The following UBE4A variants were observed in gnomAD, a reference collection of about 807,000 sequenced individuals.
UBE4A encodes the protein ubiquitin conjugation factor E4 A.
In UBE4A, 48 loss-of-function variants were observed where a neutral mutation model predicts 117.9. The observed-to-expected ratio is 0.41, with a 90% CI of 0.32 to 0.52. The LOEUF (loss-of-function observed/expected upper bound fraction) is 0.52, where lower values mean the gene tolerates loss of function less well. UBE4A is among the 20% of genes least tolerant of loss of function. The pLI is 0.33. For synonymous variants in UBE4A, 407 were observed against 450.0 expected (o/e 0.90, Z 1.21); for missense variants, 1,067 against 1,296.3 (o/e 0.82, Z 2.72).
Position 118,368,540 on chromosome 11 carries a change from T to C in UBE4A, c.122-91T>C, listed in dbSNP as rs1189691575. On this transcript the variant is annotated intron_variant, in intron 2 of 19. Transcript: ENST00000252108. Reference sequence around the variant, plus strand: ...TTAGCTTGTTTTACATCTGAAATTATCATCTTCTTGGTTACATTTATTATT... The same window carrying C: ...TTAGCTTGTTTTACATCTGAAATTACCATCTTCTTGGTTACATTTATTATT... 4.3e-6 allele frequency: 6 copies of C among 1,380,340 alleles called. No homozygotes were observed. The East Asian group carries it at 1.4e-4, about 32-fold the overall frequency. The allele number at this position is 1,380,340 out of a possible 1,614,324, so 85.5% of individuals were successfully genotyped here.
intron 15 of UBE4A, 102 bp from the exon 16 acceptor site, chr11:118,386,336 T>TC: frequency 7.5e-7 from 1 of 1,339,388 alleles, no homozygotes; most frequent in East Asian, 2.7e-5. Flanking sequence ...GTCCCTCGTT[T>TC]TCCCAGCTTA....
chr11:118,371,177 AT>A, intron 4 of UBE4A, among the ~76,000 whole-genome samples: 1 of 152,248 alleles, frequency 6.6e-6, no homozygotes, highest in Non-Finnish European at 1.5e-5. Context: ...GTATCTTTAT[AT>A]AAGTCTGAAT....
At position 118,372,629 on chromosome 11, in the gene UBE4A, A is replaced by G. The variant is rs764254075; in HGVS notation, c.684A>G (p.Gln228=). 3 of 1,614,184 alleles carry G rather than the reference A, an allele frequency of 1.9e-6. No individual in the cohort carries two copies. Among genetic ancestry groups the G allele is most frequent in the Admixed American group, 1.7e-5 (1 of 60,020 alleles). Residue 228 remains glutamine, a synonymous_variant, in exon 6 of 20, where the codon CAA becomes CAG. Coordinates refer to ENST00000252108, the MANE Select transcript of UBE4A (RefSeq NM_001204077.2). ...ATGTTGACCAAAACATCCATGAGCA[A>G]CTGGTAGATTTGATGTTAGAAGCCA... ...EIYVDQNIHE[Q]LVDLMLEAIQ...
chr11:118,364,309 T>C (rs1428544745), intron 1 of UBE4A, among the ~76,000 whole-genome samples: 3 of 152,136 alleles, frequency 2.0e-5, no homozygotes, highest in Admixed American at 2.0e-4. Flanking sequence ...ACAGTAGACC[T>C]GACCGTTGGA....
chr11:118,377,371 C>G (rs1219347179), intron 10 of UBE4A, among the ~76,000 whole-genome samples: 1 of 151,904 alleles, frequency 6.6e-6, no homozygotes, highest in Non-Finnish European at 1.5e-5. Context: ...CCATGCCCAG[C>G]TGATTTTGTA....
At chr11:118,379,345 C>CTA in intron 10 of UBE4A, 101 bp from the exon 11 acceptor site, 1 of 1,333,186 alleles carries the variant, frequency 7.5e-7, no homozygotes, top group East Asian at 2.3e-5. Context: ...CTGCAACTCC[C>CTA]TACTATCCTT....
At chr11:118,370,253 C>A (rs1948598530) in intron 4 of UBE4A, among the ~76,000 whole-genome samples, 1 of 152,138 alleles carries the variant, frequency 6.6e-6, no homozygotes, top group Admixed American at 6.5e-5. Flanking sequence ...CCCTATTAGA[C>A]TTAAGTTCTT....
chr11:118,393,948 G>C (rs185172159), intron 19 of UBE4A, among the ~76,000 whole-genome samples: 1 of 152,020 alleles, frequency 6.6e-6, no homozygotes, highest in Non-Finnish European at 1.5e-5. Context: ...ATTAACTCAC[G>C]TTCTGTTGCT....
At position 118,381,373 on chromosome 11, in the gene UBE4A, G is replaced by A. The variant is rs782437795; in HGVS notation, c.1877-18G>A. On this transcript the variant is annotated intron_variant, in intron 11 of 19. Coordinates refer to ENST00000252108, the MANE Select transcript of UBE4A (RefSeq NM_001204077.2). ...ATACAGATGTTTGGCTAATTCCAGT[G>A]AATATTTTCTTTTTCAGAATTTTTT... 6.2e-7 allele frequency: 1 copy of A among 1,613,644 alleles called. No homozygotes were observed. The highest frequency in any genetic ancestry group is 8.5e-7 in the Non-Finnish European group (1 of 1,179,750).
In UBE4A at chr11:118,390,721, G is replaced by A. The variant is rs992550169; in HGVS notation, c.2833G>A (p.Ala945Thr). ...ACGTTCCTATTCCCCAACTCTCTTT[G>A]CACAGACAGTTCGAGTCTTGAAGAA... ...DGRSYSPTLF[A>T]QTVRVLKKIN... The change falls in exon 18 of 20, where the codon GCA (alanine) becomes ACA (threonine). Residue 945 changes from alanine to threonine, a missense_variant. By Grantham distance (58) the Ala-to-Thr change is moderately conservative. This residue lies in a region of UBE4A where 1,001 missense variants were observed against 1,184.0 expected (regional missense o/e 0.85). Transcript: ENST00000252108. 2.5e-6 allele frequency: 4 copies of A among 1,600,234 alleles called. No individual in the cohort carries two copies. The highest frequency in any genetic ancestry group is 2.2e-5 in the South Asian group (2 of 89,656).
intron 9 of UBE4A, 78 bp downstream of exon 9, chr11:118,375,307 T>G: frequency 1.5e-6 from 2 of 1,306,932 alleles, no homozygotes; most frequent in Non-Finnish European, 2.0e-6. Context: ...CTTATCCTTT[T>G]TCACAGAGTT....
intron 16 of UBE4A, among the ~76,000 whole-genome samples, chr11:118,389,007 C>G (rs529284712): frequency 9.9e-5 from 15 of 152,114 alleles, no homozygotes; most frequent in African/African-American, 3.4e-4. Flanking sequence ...TGATGTAAAA[C>G]AGCTGGGCAC....
At chr11:118,393,595 G>A (rs1403930776) in intron 19 of UBE4A, among the ~76,000 whole-genome samples, 1 of 150,796 alleles carries the variant, frequency 6.6e-6, no homozygotes, top group African/African-American at 2.4e-5. Context: ...CACTGTGCCT[G>A]GCCTGTTTTT....
intron 10 of UBE4A, among the ~76,000 whole-genome samples, chr11:118,379,106 A>G (rs1475958313): frequency 6.6e-6 from 1 of 152,198 alleles, no homozygotes; most frequent in Non-Finnish European, 1.5e-5. Context: ...ATGTAAAACT[A>G]TCCTGCTGGC....
In UBE4A at chr11:118,372,743, G is replaced by C; in HGVS notation, c.721+77G>C. The C allele has an allele frequency of 1.9e-6, 3 of 1,591,494 alleles. No individual in the cohort carries two copies. In the South Asian group the frequency reaches 3.4e-5, roughly 18 times the overall value. On this transcript the variant is annotated intron_variant, in intron 6 of 19. Transcript: ENST00000252108. ...AAAATTTCACTAATTGCATTAGAAA[G>C]TCTCAGAGCCATTATGGTTCTGGTA... is the stretch of plus-strand genomic sequence containing the variant.
chr11:118,396,281 A>G (rs200112340), intron 19 of UBE4A, 33 bp from the exon 20 acceptor site: 262 of 1,594,788 alleles, frequency 1.6e-4, no homozygotes, highest in Admixed American at 2.5e-4. Context: ...ACTTATGGAA[A>G]TAACCCTATT....
rs201069795 is a variant in UBE4A, at chr11:118,369,436, G to C, written c.309G>C (p.Leu103Phe). The change falls in exon 4 of 20, where the codon TTG becomes TTC. Residue 103 changes from leucine (L) to phenylalanine (F), a missense_variant. Transcript: ENST00000252108. ...ACCATTTCCCAGGTGATCCCAGCTT[G>C]AAAAGCGGGAATGGCATCCCTAGCC... ...LITLDNSDPS[L>F]KSGNGIPSRC... 3 of 1,613,958 alleles carry C rather than the reference G, an allele frequency of 1.9e-6. No individual in the cohort carries two copies. The Admixed American group carries it at 5.0e-5, about 27-fold the overall frequency.
chr11:118,367,041 T>C (rs1948569042), intron 2 of UBE4A, among the ~76,000 whole-genome samples: 1 of 152,068 alleles, frequency 6.6e-6, no homozygotes, highest in Non-Finnish European at 1.5e-5. Flanking sequence ...CCATCTCTAC[T>C]AAAAATACAA....
At position 118,384,716 on chromosome 11, in the gene UBE4A, C is replaced by T; in HGVS notation, c.2279C>T (p.Thr760Ile). 6.2e-7 allele frequency: 1 copy of T among 1,613,946 alleles called. No individual in the cohort carries two copies. The highest frequency in any genetic ancestry group is 8.5e-7 in the Non-Finnish European group (1 of 1,179,954). The change falls in exon 14 of 20, where the codon ACC (threonine) becomes ATC (isoleucine). Residue 760 changes from threonine (T) to isoleucine (I), a missense_variant. Thr to Ile is a moderately conservative substitution (Grantham distance 89, BLOSUM62 -1). Around this residue, in one of 3 missense-constraint regions of UBE4A, gnomAD observed 1,001 missense variants for 1,184.0 expected, o/e 0.85. Coordinates refer to ENST00000252108, the MANE Select transcript of UBE4A (RefSeq NM_001204077.2). ...PILRYMWGTDTYRESIKDLAD... is the reference protein window; with the variant it reads ...PILRYMWGTDIYRESIKDLAD... ...CTAAGATACATGTGGGGGACAGATACCTATCGGGAGAGCATTAAGGTGAGA... is the reference window on the plus strand; with the variant it reads ...CTAAGATACATGTGGGGGACAGATATCTATCGGGAGAGCATTAAGGTGAGA...
Sources: gnomAD v4.1 joint callset for allele counts (sites outside exome capture counted in the v4.1 genomes callset) on GRCh38, gnomAD v4.1.1 for gene constraint, gnomAD v4.1.1 regional missense constraint, MANE v1.5 for transcripts, NCBI Gene and HGNC (gene_info 2026-07-23, HGNC 2026-07-21) for gene names.